The following SLC35D4 variants were observed in gnomAD, a reference collection of about 807,000 sequenced individuals.
SLC35D4 encodes the protein UDP-N-acetylglucosamine transporter SLC35D4.
chr18:23,418,284 T>G, the SLC35D4 span, among the ~76,000 whole-genome samples: 344 of 151,486 alleles, frequency 2.3e-3, 4 homozygotes, highest in African/African-American at 8.2e-3. Flanking sequence ...CCAGGATCTC[T>G]CCTTCATAAA....
the SLC35D4 span, among the ~76,000 whole-genome samples, chr18:23,382,933 C>T: frequency 6.6e-6 from 1 of 152,142 alleles, no homozygotes; most frequent in East Asian, 1.9e-4. Flanking sequence ...TGAACTAGGG[C>T]GGCAGCAGCT....
At chr18:23,253,534 A>G in the SLC35D4 span, among the ~76,000 whole-genome samples, 23 of 152,344 alleles carry the variant, frequency 1.5e-4, no homozygotes, top group African/African-American at 5.5e-4. Context: ...ACCAACAGAG[A>G]AGAGGCCAAA....
At chr18:23,260,677 CAA>C in the SLC35D4 span, among the ~76,000 whole-genome samples, 2 of 145,366 alleles carry the variant, frequency 1.4e-5, no homozygotes, top group African/African-American at 5.0e-5. Flanking sequence ...TGTTCAGCAA[CAA>C]AAGACATCTT....
At chr18:23,323,978 G>T in the SLC35D4 span, among the ~76,000 whole-genome samples, 2 of 151,850 alleles carry the variant, frequency 1.3e-5, no homozygotes, top group Non-Finnish European at 2.9e-5. Flanking sequence ...AGCTACTTGG[G>T]AGGCTGAGGC....
the SLC35D4 span, among the ~76,000 whole-genome samples, chr18:23,262,488 C>T: frequency 6.6e-6 from 1 of 152,216 alleles, no homozygotes; most frequent in Non-Finnish European, 1.5e-5. Flanking sequence ...ATGGGCAGAC[C>T]TCCAGTTTGC....
chr18:23,437,906 C>A, the SLC35D4 span: 1 of 1,553,706 alleles, frequency 6.4e-7, no homozygotes, highest in Non-Finnish European at 8.7e-7. Flanking sequence ...AATCCCCTGG[C>A]CGCCGCCCGA....
At chr18:23,368,635 C>T in the SLC35D4 span, 1 of 964,468 alleles carries the variant, frequency 1.0e-6, no homozygotes, top group East Asian at 2.8e-5. Context: ...TGGCTCAGAA[C>T]TCTTCAATCA....
At chr18:23,251,512 A>G in the SLC35D4 span, among the ~76,000 whole-genome samples, 7 of 152,258 alleles carry the variant, frequency 4.6e-5, no homozygotes, top group East Asian at 1.2e-3. Flanking sequence ...CTTGGCAAGT[A>G]TACTCTCGAG....
At chr18:23,416,837 G>A in the SLC35D4 span, among the ~76,000 whole-genome samples, 5 of 152,340 alleles carry the variant, frequency 3.3e-5, no homozygotes, top group East Asian at 9.6e-4. Context: ...AAGTCCAAGG[G>A]ACAAATGTCT....
chr18:23,391,159 C>A, the SLC35D4 span, among the ~76,000 whole-genome samples: 2 of 151,324 alleles, frequency 1.3e-5, no homozygotes, highest in African/African-American at 4.9e-5. Flanking sequence ...GGAGGCAGAG[C>A]CTGCAGTGAG....
chr18:23,320,996 G>C, the SLC35D4 span, among the ~76,000 whole-genome samples: 1 of 152,138 alleles, frequency 6.6e-6, no homozygotes. Context: ...ACTTCCTCTG[G>C]GGCTATTCTA....
chr18:23,312,783 C>T, the SLC35D4 span, among the ~76,000 whole-genome samples: 5 of 152,072 alleles, frequency 3.3e-5, no homozygotes, highest in Non-Finnish European at 7.4e-5. Context: ...ATCCCAGGAC[C>T]AAGGTCAGTG....
At chr18:23,410,383 C>T in the SLC35D4 span, among the ~76,000 whole-genome samples, 16 of 150,976 alleles carry the variant, frequency 1.1e-4, no homozygotes, top group Admixed American at 7.9e-4. Context: ...GAGGCTGAGG[C>T]AGGAGAATGG....
chr18:23,404,856 C>T, the SLC35D4 span, among the ~76,000 whole-genome samples: 2 of 151,872 alleles, frequency 1.3e-5, no homozygotes, highest in South Asian at 2.1e-4. Flanking sequence ...CCTGGTGGCC[C>T]GTGCCTGTAG....
chr18:23,353,075 C>CTGTGTGTGTGTGTGTGTGTGTG, the SLC35D4 span, among the ~76,000 whole-genome samples: 2 of 65,000 alleles, frequency 3.1e-5, no homozygotes, highest in African/African-American at 1.1e-4. Context: ...GTGAGACAGA[C>CTGTGTGTGTGTGTGTGTGTGTG]AGTGTGTGTG....
At chr18:23,275,426 C>T in the SLC35D4 span, among the ~76,000 whole-genome samples, 2 of 152,176 alleles carry the variant, frequency 1.3e-5, no homozygotes, top group African/African-American at 4.8e-5. Context: ...CCGTGCCCTC[C>T]GGGGGTTGGT....
At chr18:23,265,312 A>G in the SLC35D4 span, among the ~76,000 whole-genome samples, 3 of 152,020 alleles carry the variant, frequency 2.0e-5, no homozygotes, top group Non-Finnish European at 4.4e-5. Context: ...CCGGGATCTC[A>G]CCACCCCTTC....
chr18:23,299,084 C>T, the SLC35D4 span, among the ~76,000 whole-genome samples: 1 of 152,180 alleles, frequency 6.6e-6, no homozygotes, highest in East Asian at 1.9e-4. Context: ...AATGAACTGA[C>T]TATGAGTGAG....
chr18:23,246,626 T>C, the SLC35D4 span, among the ~76,000 whole-genome samples: 3,179 of 151,212 alleles, frequency 0.021, 135 homozygotes, highest in African/African-American at 0.065. Context: ...CTCCTGACCT[T>C]GTGATCCGCC....
Sources: allele counts gnomAD v4.1 joint callset (sites outside exome capture counted in the v4.1 genomes callset), GRCh38; gene constraint gnomAD v4.1.1; transcripts MANE v1.5; gene names NCBI Gene and HGNC (gene_info 2026-07-23, HGNC 2026-07-21).